Variants in MTARC1 observed in about 807,000 individuals in gnomAD.
MTARC1 encodes the protein mitochondrial amidoxime reducing component 1, also known as mitochondrial amidoxime-reducing component 1.
In MTARC1, 24 loss-of-function variants were observed where a neutral mutation model predicts 33.6. The ratio of observed to expected loss-of-function variants is 0.72; its 90% CI spans 0.52 to 1.01. MTARC1 has a LOEUF of 1.01. Ranked by LOEUF, MTARC1 falls within the 50% of genes least tolerant of loss-of-function variation. The probability of loss-of-function intolerance (pLI) is 0.00; values close to 1 mark genes in which losing one functional copy is unlikely to be tolerated. For missense variants in MTARC1, 417 were observed against 445.7 expected (o/e 0.94, Z 0.58); for synonymous variants, 187 against 189.5 (o/e 0.99, Z 0.11).
chr1:220,798,792 A>G (rs974853968), intron 4 of MTARC1: 1 of 923,358 alleles, frequency 1.1e-6, no homozygotes, highest in African/African-American at 1.8e-5. Context: ...AAAGGGGACC[A>G]TATAGTGGTT....
Position 220,819,038 on chromosome 1 carries a change from G to A in MTARC1, c.*5620G>A, listed in dbSNP as rs906443449. The A allele has an allele frequency of 6.6e-6, 1 of 152,206 alleles. No homozygotes were observed. The highest frequency in any genetic ancestry group is 6.5e-5 in the Admixed American group (1 of 15,282). The allele number at this position is 152,206 out of a possible 1,614,324, so 9.4% of individuals were successfully genotyped here. On this transcript the variant is annotated 3_prime_UTR_variant, in exon 7 of 7. Coordinates refer to ENST00000366910, the MANE Select transcript of MTARC1 (RefSeq NM_022746.4). ...TGCGAGCCATTCCTGTCGTCTGGAT[G>A]CCATAACATTGGAGGAATGATGATC...
intron 1 of MTARC1, among the ~76,000 whole-genome samples, chr1:220,788,791 A>G (rs75859082): frequency 0.018 from 1,229 of 68,362 alleles, 9 homozygotes; most frequent in East Asian, 0.096. Flanking sequence ...GAGTGAGACT[A>G]AGTCTCAAAA....
Position 220,797,959 on chromosome 1 carries a change from A to C in MTARC1, c.698A>C (p.Lys233Thr). The C allele has an allele frequency of 6.2e-7, 1 of 1,614,246 alleles. No homozygotes were observed. The highest frequency in any genetic ancestry group is 8.5e-7 in the Non-Finnish European group (1 of 1,180,040). ...AACTCCAGGCTAGAGAAGAAAGTTA[A>C]AGCAACCAACTTCAGGCCCAATATT... ...DLNSRLEKKVKATNFRPNIVI... is the reference protein window; with the variant it reads ...DLNSRLEKKVTATNFRPNIVI... Residue 233 changes from lysine to threonine, a missense_variant, in exon 4 of 7, where the codon AAA (lysine) becomes ACA (threonine). By Grantham distance (78) the Lys-to-Thr change is moderately conservative. Transcript: ENST00000366910.
intron 6 of MTARC1, among the ~76,000 whole-genome samples, chr1:220,809,415 A>G (rs1281937311): frequency 6.6e-6 from 1 of 152,104 alleles, no homozygotes; most frequent in Admixed American, 6.5e-5. Flanking sequence ...CCTAACACGA[A>G]CTTGCCCAGC....
chr1:220,813,633 C>T lies in MTARC1; in HGVS notation c.*215C>T. 1.9e-6 allele frequency: 1 copy of T among 524,892 alleles called. No individual in the cohort carries two copies. 32.5% of individuals were successfully genotyped at this position (524,892 alleles called of 1,614,324 possible). ...TAGTCTCAATAACTTAGTAGGACTT[C>T]AGTAAGTCACTTAAATGACAAGACA... On this transcript the variant is annotated 3_prime_UTR_variant, in exon 7 of 7. Transcript: ENST00000366910.
intron 1 of MTARC1, among the ~76,000 whole-genome samples, chr1:220,789,288 C>G (rs908715978): frequency 6.6e-6 from 1 of 152,120 alleles, no homozygotes; most frequent in Non-Finnish European, 1.5e-5. Flanking sequence ...CAAAGACACT[C>G]GGCTTGTGAG....
rs1673277328 is a variant in MTARC1, at chr1:220,816,229, T to C, written c.*2811T>C. 1 of 152,228 alleles carries C rather than the reference T, an allele frequency of 6.6e-6. No individual in the cohort carries two copies. The highest frequency in any genetic ancestry group is 2.4e-5 in the African/African-American group (1 of 41,444). 9.4% of individuals were successfully genotyped at this position (152,228 alleles called of 1,614,324 possible). On this transcript the variant is annotated 3_prime_UTR_variant, in exon 7 of 7. Coordinates refer to ENST00000366910, the MANE Select transcript of MTARC1 (RefSeq NM_022746.4). ...GACTTCGGGAAACCATTTATGAGGCTGTCACCAACAGTGATGGCAGGCTGA... is the reference window on the plus strand; with the variant it reads ...GACTTCGGGAAACCATTTATGAGGCCGTCACCAACAGTGATGGCAGGCTGA...
intron 4 of MTARC1, chr1:220,799,141 T>TA: frequency 1.0e-6 from 1 of 985,394 alleles, no homozygotes; most frequent in Non-Finnish European, 1.2e-6. Flanking sequence ...ATGAGATGTA[T>TA]AAAAGCAATA....
Position 220,794,932 on chromosome 1 carries a change from T to C in MTARC1, c.450-1711T>C, listed in dbSNP as rs72470595. Among the ~76,000 whole-genome samples the C allele has an allele frequency of 8.8e-3, 1,337 of 152,340 alleles. 19 individuals are homozygous for C. Among genetic ancestry groups the C allele is most frequent in the Middle Eastern group, 0.024 (7 of 294 alleles). On this transcript the variant is annotated intron_variant, in intron 2 of 6. Transcript: ENST00000366910. ...AAAGTTTTTAAAAATTTATGAAAAC[T>C]TTGAATACACCAATCTACTGCTTAA...
intron 6 of MTARC1, among the ~76,000 whole-genome samples, chr1:220,807,294 T>C (rs1672998895): frequency 6.6e-6 from 1 of 152,084 alleles, no homozygotes; most frequent in South Asian, 2.1e-4. Flanking sequence ...AAAGAAAACA[T>C]AGTCAAGGGC....
At chr1:220,810,280 T>G (rs1212921281) in intron 6 of MTARC1, among the ~76,000 whole-genome samples, 1 of 152,126 alleles carries the variant, frequency 6.6e-6, no homozygotes, top group Non-Finnish European at 1.5e-5. Flanking sequence ...TGCGCACGAA[T>G]TCATAGACTG....
chr1:220,790,503 G>T (rs1672389249), intron 1 of MTARC1, among the ~76,000 whole-genome samples: 2 of 152,188 alleles, frequency 1.3e-5, no homozygotes, highest in African/African-American at 4.8e-5. Flanking sequence ...GTCAGGGCAG[G>T]CCTCTGTCTG....
At chr1:220,800,964 C>T (rs942694874) in intron 4 of MTARC1, among the ~76,000 whole-genome samples, 2 of 151,968 alleles carry the variant, frequency 1.3e-5, no homozygotes, top group African/African-American at 4.8e-5. Flanking sequence ...CTTCACTGGC[C>T]TCCTTGCCCC....
chr1:220,794,538 C>CTTT (rs59339230), intron 2 of MTARC1, among the ~76,000 whole-genome samples: 30 of 146,066 alleles, frequency 2.1e-4, no homozygotes, highest in South Asian at 4.3e-4. Flanking sequence ...ACGATAGGAT[C>CTTT]TTTTTTTTTT....
rs895969988 is a variant in MTARC1 at position 220,796,656 on chromosome 1, G to A, written c.463G>A (p.Glu155Lys). 1.9e-6 allele frequency: 3 copies of A among 1,601,178 alleles called. No individual in the cohort carries two copies. Among genetic ancestry groups the A allele is most frequent in the Non-Finnish European group, 2.6e-6 (3 of 1,174,930 alleles). ...CTACCCCTGCAGAGTGCACGGCCTG[G>A]AGATAGAGGGCAGGGACTGTGGCGA... ...AVHKCRVHGLEIEGRDCGEAT... is the reference protein window; with the variant it reads ...AVHKCRVHGLKIEGRDCGEAT... Residue 155 changes from glutamate to lysine, a missense_variant, in exon 3 of 7, where the codon GAG becomes AAG. Glu to Lys is a moderately conservative substitution (Grantham distance 56, BLOSUM62 1). Transcript: ENST00000366910.
chr1:220,806,595 A>T (rs1874114), intron 6 of MTARC1, among the ~76,000 whole-genome samples: 124,285 of 152,126 alleles, frequency 0.82, 50,876 homozygotes, highest in Non-Finnish European at 0.83. Flanking sequence ...TGATTCAGTC[A>T]TCTTTGATCA....
chr1:220,813,673 C>A lies in MTARC1; in HGVS notation c.*255C>A, dbSNP rs775523592. ...ATGACAAGACAGGATTCTGAAAACT[C>A]CCCGTTTAACTGATTATGGAATAGT... On this transcript the variant is annotated 3_prime_UTR_variant, in exon 7 of 7. Coordinates refer to ENST00000366910, the MANE Select transcript of MTARC1 (RefSeq NM_022746.4). 2.4e-6 allele frequency: 1 copy of A among 421,772 alleles called. No individual in the cohort carries two copies. Among genetic ancestry groups the A allele is most frequent in the Non-Finnish European group, 4.3e-6 (1 of 230,548 alleles). 26.1% of individuals were successfully genotyped at this position (421,772 alleles called of 1,614,324 possible). A position where few individuals can be genotyped will look rare whatever the true frequency, so the allele number is the denominator to read the frequency against.
chr1:220,801,439 G>A (rs997456176), intron 4 of MTARC1, among the ~76,000 whole-genome samples: 14 of 152,194 alleles, frequency 9.2e-5, no homozygotes, highest in Non-Finnish European at 2.1e-4. Flanking sequence ...TTGAGGACAG[G>A]GGCTGCTGTA....
At chr1:220,805,295 C>T in intron 6 of MTARC1, 21 bp downstream of exon 6, 1 of 1,612,180 alleles carries the variant, frequency 6.2e-7, no homozygotes, top group Non-Finnish European at 8.5e-7. Flanking sequence ...GCAGACGGGG[C>T]TCATCCTCGG....
Sources: gnomAD v4.1 joint callset for allele counts (sites outside exome capture counted in the v4.1 genomes callset) on GRCh38, gnomAD v4.1.1 for gene constraint, MANE v1.5 for transcripts, NCBI Gene and HGNC (gene_info 2026-07-23, HGNC 2026-07-21) for gene names.